PDE7B: variants seen among roughly 807,000 people sequenced by gnomAD.
PDE7B encodes phosphodiesterase 7B.
PDE7B carries 29 observed loss-of-function variants against 56.2 expected under a neutral mutation model. The ratio of observed to expected loss-of-function variants is 0.52; its 90% CI spans 0.38 to 0.70. The LOEUF is 0.70. PDE7B is among the 30% of genes least tolerant of loss of function. The pLI is 0.00. For missense variants in PDE7B, 490 were observed against 565.0 expected (o/e 0.87, Z 1.35); for synonymous variants, 197 against 196.9 (o/e 1.00, Z 0.00).
intron 3 of PDE7B, among the ~76,000 whole-genome samples, chr6:136,145,334 T>C (rs991555635): frequency 7.2e-5 from 11 of 152,154 alleles, no homozygotes; most frequent in African/African-American, 2.7e-4. Flanking sequence ...GTCACTTCTG[T>C]CATTTTTAAA....
At chr6:136,041,218 G>A (rs1287044911) in intron 2 of PDE7B, among the ~76,000 whole-genome samples, 3 of 152,086 alleles carry the variant, frequency 2.0e-5, no homozygotes, top group Non-Finnish European at 4.4e-5. Context: ...CTTTTCCTTA[G>A]CAAAGGGCAT....
intron 7 of PDE7B, among the ~76,000 whole-genome samples, chr6:136,154,431 A>C (rs1396798983): frequency 2.0e-5 from 3 of 152,124 alleles, no homozygotes; most frequent in East Asian, 3.9e-4. Context: ...AAAAAAAAAA[A>C]AACTTCCTCT....
rs779557593 is a variant in PDE7B, at chr6:136,038,040, G to T, written c.83-70691G>T. The stretch of plus-strand genomic sequence containing the variant: ...TCTCACCAGAGAGAAACCTAGGGAA[G>T]TGAATCGCTCTCGTCGGCAGTGTTT... On this transcript the variant is annotated intron_variant, in intron 2 of 12. Transcript: ENST00000308191. The T allele has an allele frequency of 2.3e-6, 3 of 1,330,960 alleles. 1 individual carries two copies. The South Asian group carries it at 3.5e-5, about 16-fold the overall frequency. 82.4% of individuals were successfully genotyped at this position (1,330,960 alleles called of 1,614,324 possible). A position where few individuals can be genotyped will look rare whatever the true frequency, so the allele number is the denominator to read the frequency against.
intron 2 of PDE7B, among the ~76,000 whole-genome samples, chr6:135,960,602 C>A (rs1774882441): frequency 6.6e-6 from 1 of 152,116 alleles, no homozygotes; most frequent in Non-Finnish European, 1.5e-5. Context: ...GGGTTTTTAA[C>A]TTTTTAATTG....
chr6:135,925,035 C>A (rs1296449662), intron 1 of PDE7B, among the ~76,000 whole-genome samples: 1 of 134,118 alleles, frequency 7.5e-6, no homozygotes, highest in Non-Finnish European at 1.6e-5. Flanking sequence ...AATCTTGTTT[C>A]ATATGAATAA....
At chr6:135,864,951 C>T (rs1327522944) in intron 1 of PDE7B, among the ~76,000 whole-genome samples, 1 of 126,672 alleles carries the variant, frequency 7.9e-6, no homozygotes, top group Non-Finnish European at 1.7e-5. Flanking sequence ...CTCCCCCCAC[C>T]CCACAACAGG....
chr6:136,153,841 C>T (rs140157883), intron 6 of PDE7B, among the ~76,000 whole-genome samples: 106 of 152,260 alleles, frequency 7.0e-4, no homozygotes, highest in Middle Eastern at 6.8e-3. Flanking sequence ...GAAATCCCAA[C>T]GCTTCACAAA....
intron 1 of PDE7B, among the ~76,000 whole-genome samples, chr6:135,871,526 G>A (rs1428224645): frequency 6.6e-6 from 1 of 152,186 alleles, no homozygotes; most frequent in Non-Finnish European, 1.5e-5. Flanking sequence ...TGGGGTGGGA[G>A]GAGCTAGGGA....
chr6:135,962,974 G>A (rs561184831), intron 2 of PDE7B, among the ~76,000 whole-genome samples: 6 of 152,244 alleles, frequency 3.9e-5, no homozygotes, highest in South Asian at 2.1e-4. Flanking sequence ...GTGGTTCTGC[G>A]GCAAATGGAA....
rs567426007 is a variant in PDE7B, at chr6:135,859,820, G to C, written c.21+7801G>C. 5.4e-4 allele frequency among the ~76,000 whole-genome samples: 82 copies of C among 151,722 alleles called. 2 individuals are homozygous for C. Among genetic ancestry groups the C allele is most frequent in the African/African-American group, 1.8e-3 (75 of 41,418 alleles). On this transcript the variant is annotated intron_variant, in intron 1 of 12. Transcript: ENST00000308191. ...TTGTCTCCTTTAATGTAAGTCTTTAGAAACCAAATAATCAAATACATCTAT... is the reference window on the plus strand; with the variant it reads ...TTGTCTCCTTTAATGTAAGTCTTTACAAACCAAATAATCAAATACATCTAT...
chr6:135,860,865 T>C (rs1433578699), intron 1 of PDE7B, among the ~76,000 whole-genome samples: 1 of 151,854 alleles, frequency 6.6e-6, no homozygotes, highest in African/African-American at 2.4e-5. Context: ...ACTTTCTGAA[T>C]TAAACTATAG....
chr6:136,040,254 A>G (rs1283787530), intron 2 of PDE7B, among the ~76,000 whole-genome samples: 1 of 152,168 alleles, frequency 6.6e-6, no homozygotes, highest in East Asian at 1.9e-4. Context: ...GACAGGCTTT[A>G]TAACACCTTT....
At chr6:136,159,782 G>A (rs1310871682) in intron 8 of PDE7B, among the ~76,000 whole-genome samples, 1 of 152,190 alleles carries the variant, frequency 6.6e-6, no homozygotes. Flanking sequence ...TGGTACCCCA[G>A]ATTCAGTTTA....
rs374112024 is a variant in PDE7B, at chr6:135,940,916, C to T, written c.22-6548C>T. Reference sequence around the variant, plus strand: ...ATTAACATTGGGAGCGCCCATTATGCATTAGTCATTGTCCTAGACATTTAG... The same window carrying T: ...ATTAACATTGGGAGCGCCCATTATGTATTAGTCATTGTCCTAGACATTTAG... On this transcript the variant is annotated intron_variant, in intron 1 of 12. Coordinates refer to ENST00000308191, the MANE Select transcript of PDE7B (RefSeq NM_018945.4). 9.8e-5 allele frequency among the ~76,000 whole-genome samples: 15 copies of T among 152,336 alleles called. 1 individual carries two copies. Among genetic ancestry groups the T allele is most frequent in the East Asian group, 5.8e-4 (3 of 5,190 alleles).
chr6:135,934,953 TATATAATATATATATTTC>T (rs1774381635), intron 1 of PDE7B, among the ~76,000 whole-genome samples: 5 of 51,548 alleles, frequency 9.7e-5, no homozygotes, highest in Admixed American at 4.5e-4. Flanking sequence ...TATATATTTA[TATATAATATATATATTTC>T]TCTATATATT....
rs148937956 is a variant in PDE7B at position 135,872,513 on chromosome 6, G to A, written c.21+20494G>A. On this transcript the variant is annotated intron_variant, in intron 1 of 12. Coordinates refer to ENST00000308191, the MANE Select transcript of PDE7B (RefSeq NM_018945.4). ...CTCCAAAGAATGCAGTATGTCAAAT[G>A]CAAGTGTTCACAGTATATTAAAAAT... Among the ~76,000 whole-genome samples the A allele has an allele frequency of 9.9e-5, 15 of 152,280 alleles. No individual in the cohort carries two copies. The East Asian group carries it at 2.9e-3, about 29-fold the overall frequency.
At chr6:136,050,398 G>A (rs993816621) in intron 2 of PDE7B, among the ~76,000 whole-genome samples, 40 of 136,258 alleles carry the variant, frequency 2.9e-4, no homozygotes, top group African/African-American at 1.1e-3. Flanking sequence ...AGAGATAGAC[G>A]TTCACCAGAA....
intron 2 of PDE7B, among the ~76,000 whole-genome samples, chr6:136,061,819 C>G (rs1300975262): frequency 6.6e-6 from 1 of 152,082 alleles, no homozygotes; most frequent in East Asian, 1.9e-4. Flanking sequence ...AACTCTATAC[C>G]CAGTGCTGAA....
At chr6:135,939,546 G>C (rs894509088) in intron 1 of PDE7B, among the ~76,000 whole-genome samples, 2 of 152,200 alleles carry the variant, frequency 1.3e-5, no homozygotes, top group African/African-American at 4.8e-5. Context: ...CCGTCCTCTG[G>C]CACCGGAGTG....
Sources: allele counts gnomAD v4.1 joint callset (sites outside exome capture counted in the v4.1 genomes callset), GRCh38; gene constraint gnomAD v4.1.1; transcripts MANE v1.5; gene names NCBI Gene and HGNC (gene_info 2026-07-23, HGNC 2026-07-21).